VPS13C: variants seen among roughly 807,000 people sequenced by gnomAD.
VPS13C encodes the protein intermembrane lipid transfer protein VPS13C.
A neutral mutation model predicts 456.8 loss-of-function variants in VPS13C; 358 were observed. The ratio of observed to expected loss-of-function variants is 0.78; its 90% CI spans 0.72 to 0.86. The LOEUF is 0.86. Ranked by LOEUF, VPS13C falls within the 40% of genes least tolerant of loss-of-function variation. The probability of loss-of-function intolerance (pLI) is 0.00; values close to 1 mark genes in which losing one functional copy is unlikely to be tolerated. For synonymous variants in VPS13C, 1,578 were observed against 1,486.7 expected (o/e 1.06, Z -1.41); for missense variants, 4,818 against 4,385.4 (o/e 1.10, Z -2.79).
At chr15:62,037,414 AAT>A (rs200931598) in intron 3 of VPS13C, among the ~76,000 whole-genome samples, 5,200 of 101,864 alleles carry the variant, frequency 0.051, 372 homozygotes, top group East Asian at 0.2. Flanking sequence ...AAATATATAT[AAT>A]ATGTTATATA....
At chr15:62,016,363 C>G (rs569593286) in intron 9 of VPS13C, among the ~76,000 whole-genome samples, 2 of 151,886 alleles carry the variant, frequency 1.3e-5, no homozygotes, top group East Asian at 3.9e-4. Flanking sequence ...TGCTGGTGTG[C>G]TGCACCCATT....
intron 16 of VPS13C, among the ~76,000 whole-genome samples, chr15:61,994,976 G>C (rs893965794): frequency 2.6e-5 from 4 of 152,098 alleles, no homozygotes; most frequent in Admixed American, 2.6e-4. Context: ...AGAAAAGCAA[G>C]TTACAAAACC....
chr15:62,002,468 T>C (rs966297026), intron 15 of VPS13C, among the ~76,000 whole-genome samples: 2 of 152,206 alleles, frequency 1.3e-5, no homozygotes, highest in South Asian at 4.1e-4. Flanking sequence ...ATTTTGTAGG[T>C]TGCCTGTTCA....
intron 10 of VPS13C, among the ~76,000 whole-genome samples, chr15:62,013,573 T>C (rs1406618737): frequency 6.6e-6 from 1 of 151,996 alleles, no homozygotes; most frequent in Admixed American, 6.6e-5. Flanking sequence ...TAAAGCTCTA[T>C]AGTTTAAAAT....
intron 13 of VPS13C, among the ~76,000 whole-genome samples, chr15:62,010,012 G>T (rs576457948): frequency 1.3e-4 from 20 of 151,712 alleles, no homozygotes; most frequent in African/African-American, 4.8e-4. Context: ...ACAGTGAAAC[G>T]CCATCTCTAC....
chr15:61,922,313 T>C, intron 54 of VPS13C, 84 bp downstream of exon 54: 3 of 1,503,264 alleles, frequency 2.0e-6, no homozygotes, highest in South Asian at 1.4e-5. Context: ...ATAGTGGCCA[T>C]GCACAAACAA....
intron 63 of VPS13C, among the ~76,000 whole-genome samples, chr15:61,910,696 T>C (rs1002934751): frequency 2.6e-5 from 4 of 152,188 alleles, no homozygotes; most frequent in African/African-American, 9.6e-5. Context: ...ATCTTAATCA[T>C]AGATAAACCA....
In VPS13C at chr15:61,973,722, A is replaced by T. The variant is rs571700335; in HGVS notation, c.2539-190T>A. On this transcript the variant is annotated intron_variant, in intron 25 of 84. Coordinates refer to ENST00000644861, the MANE Select transcript of VPS13C (RefSeq NM_020821.3). Reference sequence around the variant, plus strand: ...ATCAACTAATAATTGGCTAGAATTTACAAATTATTAAGTCTACCACCCACA... The same window carrying T: ...ATCAACTAATAATTGGCTAGAATTTTCAAATTATTAAGTCTACCACCCACA... 2.0e-5 allele frequency among the ~76,000 whole-genome samples: 3 copies of T among 152,272 alleles called. No individual in the cohort carries two copies. The South Asian group carries it at 6.2e-4, about 32-fold the overall frequency.
chr15:61,908,058 A>G (rs1340383201), intron 65 of VPS13C, among the ~76,000 whole-genome samples: 1 of 152,206 alleles, frequency 6.6e-6, no homozygotes, highest in Non-Finnish European at 1.5e-5. Context: ...AGGAAAAGGC[A>G]AAGTCCTGGG....
intron 68 of VPS13C, among the ~76,000 whole-genome samples, chr15:61,883,203 C>CT (rs35797570): frequency 0.18 from 25,761 of 140,474 alleles, 2,653 homozygotes; most frequent in Non-Finnish European, 0.24. Flanking sequence ...ATTTTATTAT[C>CT]TTTTTTTTTT....
intron 66 of VPS13C, 45 bp downstream of exon 66, chr15:61,907,219 C>G: frequency 6.2e-7 from 1 of 1,611,946 alleles, no homozygotes; most frequent in Non-Finnish European, 8.5e-7. Flanking sequence ...CTACTTCCTT[C>G]ACTGTCAGGT....
intron 17 of VPS13C, 63 bp from the exon 18 acceptor site, chr15:61,991,157 C>A (rs1217758685): frequency 9.1e-6 from 11 of 1,208,366 alleles, no homozygotes; most frequent in African/African-American, 1.5e-5. Flanking sequence ...ACTAAAAAGA[C>A]TAACCAAACT....
chr15:62,023,807 G>T lies in VPS13C; in HGVS notation c.487C>A (p.Pro163Thr), dbSNP rs532744522. The part of the protein sequence containing the change: ...RKKHKKHFKK[P>T]FKGLDRSKDK... The stretch of plus-strand genomic sequence containing the variant: ...TTTGAACGATCAAGACCTTTAAAAG[G>T]TTTCTTAAAATGTTTTTTGTGCTTT... The change falls in exon 7 of 85, where the codon CCT becomes ACT. Residue 163 changes from proline to threonine, a missense_variant. Physicochemically the swap from Pro to Thr is conservative, Grantham distance 38. Transcript: ENST00000644861. 2.5e-6 allele frequency: 4 copies of T among 1,610,386 alleles called. No individual in the cohort carries two copies. The highest frequency in any genetic ancestry group is 1.7e-4 in the Middle Eastern group (1 of 6,056).
chr15:62,046,685 T>C (rs1473850797), intron 1 of VPS13C, among the ~76,000 whole-genome samples: 1 of 152,234 alleles, frequency 6.6e-6, no homozygotes, highest in Non-Finnish European at 1.5e-5. Context: ...ATGAAGTCTT[T>C]ATAACAATTG....
chr15:61,902,621 A>G (rs948290650), intron 66 of VPS13C, among the ~76,000 whole-genome samples: 2 of 149,272 alleles, frequency 1.3e-5, no homozygotes, highest in Non-Finnish European at 2.9e-5. Flanking sequence ...ACAGATGCTA[A>G]AAAAGCGTTT....
intron 67 of VPS13C, among the ~76,000 whole-genome samples, chr15:61,886,392 CT>C (rs1022569173): frequency 1.3e-5 from 2 of 151,966 alleles, no homozygotes; most frequent in African/African-American, 4.8e-5. Context: ...TAAAATGATG[CT>C]TTTTTTAATA....
At chr15:62,040,710 A>T (rs2048213593) in intron 3 of VPS13C, among the ~76,000 whole-genome samples, 1 of 152,134 alleles carries the variant, frequency 6.6e-6, no homozygotes, top group Non-Finnish European at 1.5e-5. Flanking sequence ...TCCAAAATTT[A>T]AAAATGTATA....
At chr15:61,879,015 C>A (rs760580200) in intron 73 of VPS13C, among the ~76,000 whole-genome samples, 100 of 151,990 alleles carry the variant, frequency 6.6e-4, no homozygotes, top group Non-Finnish European at 1.2e-3. Flanking sequence ...ATGAGGGAAA[C>A]CGACACACTT....
chr15:61,961,850 G>T lies in VPS13C; in HGVS notation c.3647C>A (p.Ala1216Asp). 6.2e-7 allele frequency: 1 copy of T among 1,613,884 alleles called. No individual in the cohort carries two copies. The highest frequency in any genetic ancestry group is 2.2e-5 in the East Asian group (1 of 44,874). Residue 1216 changes from alanine (A) to aspartate (D), a missense_variant, in exon 35 of 85, where the codon GCT becomes GAT. By Grantham distance (126) the Ala-to-Asp change is moderately radical. Around this residue, in one of 3 missense-constraint regions of VPS13C, gnomAD observed 4,552 missense variants for 4,130.6 expected, o/e 1.10. Coordinates refer to ENST00000644861, the MANE Select transcript of VPS13C (RefSeq NM_020821.3). ...NFQTAKESLS[A>D]ATAQAAERAA... ...CCTTTCTGCAGCCTGGGCAGTGGCA[G>T]CACTCAGAGACTCTTTGGCTGTCTG...
Sources: allele counts gnomAD v4.1 joint callset (sites outside exome capture counted in the v4.1 genomes callset), GRCh38; gene constraint gnomAD v4.1.1; regional missense constraint gnomAD v4.1.1; transcripts MANE v1.5; gene names NCBI Gene and HGNC (gene_info 2026-07-23, HGNC 2026-07-21).